The following CABP2 variants were observed in gnomAD, a reference collection of about 807,000 sequenced individuals.
The protein encoded by CABP2 is calcium-binding protein 2.
A neutral mutation model predicts 28.6 loss-of-function variants in CABP2; 25 were observed. That is an observed-to-expected ratio of 0.87 (90% confidence interval 0.64 to 1.22). The LOEUF is 1.22. Ranked by LOEUF, CABP2 falls within the 50% of genes most tolerant of loss-of-function variation. CABP2 has a pLI of 0.00. For missense variants in CABP2, 310 were observed against 312.2 expected, an observed-to-expected ratio of 0.99 and a Z score of 0.05; for synonymous variants, 138 against 126.0, an observed-to-expected ratio of 1.09 and a Z score of -0.64.
At chr11:67,523,190 C>A in intron 1 of CABP2, 95 bp downstream of exon 1, 15 of 988,210 alleles carry the variant, frequency 1.5e-5, no homozygotes, top group Non-Finnish European at 2.3e-5. Flanking sequence ...CAGCCCCCAA[C>A]CCCGCCCGGC....
At chr11:67,519,728 C>A in intron 6 of CABP2, 65 bp downstream of exon 6, 1 of 1,538,078 alleles carries the variant, frequency 6.5e-7, no homozygotes, top group Non-Finnish European at 8.9e-7. Context: ...GTGACTCTTG[C>A]TGTGCGGTTT....
chr11:67,519,059 G>T lies in CABP2; in HGVS notation c.*80C>A. ...GGAAAGGAGGGTCCCCGCTAGAGGC[G>T]ATGGGCTTCAAGGAACATGCTGGTG... On this transcript the variant is annotated 3_prime_UTR_variant, in exon 7 of 7. Coordinates refer to ENST00000294288, the MANE Select transcript of CABP2 (RefSeq NM_016366.3). 2.0e-6 allele frequency: 3 copies of T among 1,510,366 alleles called. No individual in the cohort carries two copies. The Admixed American group carries it at 5.0e-5, about 25-fold the overall frequency. The allele number at this position is 1,510,366 out of a possible 1,614,324, so 93.6% of individuals were successfully genotyped here. A position where few individuals can be genotyped will look rare whatever the true frequency, so the allele number is the denominator to read the frequency against.
intron 4 of CABP2, 30 bp from the exon 5 acceptor site, chr11:67,520,190 G>C (rs1188274523): frequency 6.8e-7 from 1 of 1,470,932 alleles, no homozygotes; most frequent in East Asian, 2.3e-5. Flanking sequence ...CAGACCCAGG[G>C]CATCAGAGAC....
chr11:67,522,178 T>C (rs995580265), intron 2 of CABP2, among the ~76,000 whole-genome samples, 196 bp from the exon 3 acceptor site: 2 of 152,144 alleles, frequency 1.3e-5, no homozygotes, highest in Admixed American at 6.5e-5. Context: ...CCTTCCCTGC[T>C]TCTGGCCTAG....
At position 67,520,031 on chromosome 11, in the gene CABP2, C is replaced by T; in HGVS notation, c.489+20G>A. 1 of 1,608,662 alleles carries T rather than the reference C, an allele frequency of 6.2e-7. No individual in the cohort carries two copies. Among genetic ancestry groups the T allele is most frequent in the Non-Finnish European group, 8.5e-7 (1 of 1,178,406 alleles). ...CGGCAGACACGCAGCCCTGCCCGCC[C>T]TCAGCCCCAGTGGCCGCACCTCCCG... On this transcript the variant is annotated intron_variant, in intron 5 of 6. Transcript: ENST00000294288.
intron 1 of CABP2, 43 bp from the exon 2 acceptor site, chr11:67,522,759 C>G: frequency 1.4e-6 from 2 of 1,439,870 alleles, no homozygotes; most frequent in Non-Finnish European, 1.8e-6. Flanking sequence ...GGCCGCTGAG[C>G]TCTGGGCCTG....
chr11:67,523,192 C>A (rs1866776512), intron 1 of CABP2, 93 bp downstream of exon 1: 26 of 1,054,102 alleles, frequency 2.5e-5, no homozygotes, highest in Non-Finnish European at 3.5e-5. Flanking sequence ...GCCCCCAACC[C>A]CGCCCGGCCC....
Position 67,519,873 on chromosome 11 carries a change from C to T in CABP2, c.557G>A (p.Gly186Glu). Residue 186 changes from glycine (G) to glutamate (E), a missense_variant, in exon 6 of 7, where the codon GGG becomes GAG. Gly to Glu is a moderately conservative substitution (Grantham distance 98, BLOSUM62 -2). Transcript: ENST00000294288. Reference protein sequence around the residue: ...ELRAALKALLGERLSQREVDE... With the variant: ...ELRAALKALLEERLSQREVDE... Reference sequence around the variant, plus strand: ...CACCTCCCGCTGGCTGAGGCGCTCCCCCAGCAGGGCCTTGAGGGCCGCCCG... The same window carrying T: ...CACCTCCCGCTGGCTGAGGCGCTCCTCCAGCAGGGCCTTGAGGGCCGCCCG... 6.2e-7 allele frequency: 1 copy of T among 1,613,664 alleles called. No individual in the cohort carries two copies. Among genetic ancestry groups the T allele is most frequent in the Non-Finnish European group, 8.5e-7 (1 of 1,179,984 alleles).
chr11:67,521,868 A>T, intron 3 of CABP2, 84 bp downstream of exon 3: 2 of 374,290 alleles, frequency 5.3e-6, no homozygotes. Context: ...CCCCCACCCG[A>T]TGCCCCCCCA....
chr11:67,520,824 G>A (rs958653234), intron 4 of CABP2, among the ~76,000 whole-genome samples: 7 of 152,250 alleles, frequency 4.6e-5, no homozygotes, highest in African/African-American at 1.7e-4. Flanking sequence ...TCTGCAGAAT[G>A]AGGATCACAG....
At chr11:67,522,029 T>G in intron 2 of CABP2, 47 bp from the exon 3 acceptor site, 1 of 1,579,990 alleles carries the variant, frequency 6.3e-7, no homozygotes, top group South Asian at 1.1e-5. Flanking sequence ...TACTGATGAC[T>G]GTGCCCTTCC....
In CABP2 at chr11:67,519,913, T is replaced by G. The variant is rs1467226842; in HGVS notation, c.517A>C (p.Ser173Arg). ...EFDTNGDGRI[S>R]VGELRAALKA... Reference sequence around the variant, plus strand: ...AGGGCCGCCCGGAGCTCGCCCACGCTGATGCGGCCGTCCCCATTGGTGTCG... The same window carrying G: ...AGGGCCGCCCGGAGCTCGCCCACGCGGATGCGGCCGTCCCCATTGGTGTCG... Residue 173 changes from serine (S) to arginine (R), a missense_variant, in exon 6 of 7, where the codon AGC (serine) becomes CGC (arginine). Physicochemically the swap from Ser to Arg is moderately radical, Grantham distance 110. Transcript: ENST00000294288. 6.2e-7 allele frequency: 1 copy of G among 1,610,712 alleles called. No individual in the cohort carries two copies. The highest frequency in any genetic ancestry group is 8.5e-7 in the Non-Finnish European group (1 of 1,179,644).
rs567869092 is a variant in CABP2 at position 67,521,129 on chromosome 11, C to T, written c.275G>A (p.Arg92Gln). 2.9e-5 allele frequency: 47 copies of T among 1,613,280 alleles called. No homozygotes were observed. Among genetic ancestry groups the T allele is most frequent in the Middle Eastern group, 1.6e-4 (1 of 6,062 alleles). ...ELQVAFQEFD[R>Q]DRDGYIGCRE... ...GCAGCCAATGTAGCCGTCCCGGTCT[C>T]GGTCAAACTCCTGGAAGGCGACCTG... Residue 92 changes from arginine (R) to glutamine (Q), a missense_variant, in exon 4 of 7, where the codon CGA (arginine) becomes CAA (glutamine). By Grantham distance (43) the Arg-to-Gln change is conservative (BLOSUM62 1). Transcript: ENST00000294288.
In CABP2 at chr11:67,520,057, GA is replaced by G. The variant is rs368437370; in HGVS notation, c.482del (p.Phe161SerfsTer57). On this transcript the variant is annotated frameshift_variant, in exon 5 of 7. Transcript: ENST00000294288. LOFTEE classifies it high-confidence loss of function. ...TCAGCCCCAGTGGCCGCACCTCCCG[GA>G]AGGCGTCCCGTAGCTCCCGGACACC... Reference protein sequence around the residue: ...MIGVRELRDAFREFDTNGDGR... With the variant: ...MIGVRELRDAXREFDTNGDGR... The G allele has an allele frequency of 8.1e-6, 13 of 1,612,188 alleles. No individual in the cohort carries two copies. The African/African-American group carries it at 1.6e-4, about 20-fold the overall frequency.
rs1485863280 is a variant in CABP2, at chr11:67,519,922, C to G, written c.508G>C (p.Gly170Arg). The change falls in exon 6 of 7, where the codon GGC (glycine) becomes CGC (arginine). Residue 170 changes from glycine to arginine, a missense_variant. Gly to Arg is a moderately radical substitution (Grantham distance 125). Transcript: ENST00000294288. Reference protein sequence around the residue: ...AFREFDTNGDGRISVGELRAA... With the variant: ...AFREFDTNGDRRISVGELRAA... The stretch of plus-strand genomic sequence containing the variant: ...CGGAGCTCGCCCACGCTGATGCGGC[C>G]GTCCCCATTGGTGTCGAACTGTGGC... 1.2e-6 allele frequency: 2 copies of G among 1,609,564 alleles called. No individual in the cohort carries two copies. Among genetic ancestry groups the G allele is most frequent in the African/African-American group, 2.7e-5 (2 of 74,914 alleles).
At position 67,518,989 on chromosome 11, in the gene CABP2, G is replaced by T; in HGVS notation, c.*150C>A. On this transcript the variant is annotated 3_prime_UTR_variant, in exon 7 of 7. Transcript: ENST00000294288. ...GCGGCTTTATTGGAGAAGTGGTGGTGGGGGTGAAGGCAGGCAAGGGCACTG... is the reference window on the plus strand; with the variant it reads ...GCGGCTTTATTGGAGAAGTGGTGGTTGGGGTGAAGGCAGGCAAGGGCACTG... The T allele has an allele frequency of 1.4e-6, 1 of 717,690 alleles. No homozygotes were observed. The highest frequency in any genetic ancestry group is 2.4e-6 in the Non-Finnish European group (1 of 409,712). 44.5% of individuals were successfully genotyped at this position (717,690 alleles called of 1,614,324 possible).
intron 1 of CABP2, among the ~76,000 whole-genome samples, 189 bp downstream of exon 1, chr11:67,523,096 A>G (rs1161093690): frequency 6.6e-6 from 1 of 152,068 alleles, no homozygotes; most frequent in Non-Finnish European, 1.5e-5. Flanking sequence ...CTGGCAGGGG[A>G]GACCCAGAGG....
At chr11:67,522,971 C>A (rs146746532) in intron 1 of CABP2, among the ~76,000 whole-genome samples, 6 of 152,360 alleles carry the variant, frequency 3.9e-5, no homozygotes, top group Non-Finnish European at 5.9e-5. Context: ...AGAAAGCCAG[C>A]GGCAGAGAGG....
Position 67,522,622 on chromosome 11 carries a change from T to C in CABP2, c.137A>G (p.Gln46Arg). ...CAGGCTGTTGAGCACCGAGTAGCCC[T>C]GGACGCCTGGCGCGGGGTCCCCCTG... ...KEQGDPAPGVQGYSVLNSLVG... is the reference protein window; with the variant it reads ...KEQGDPAPGVRGYSVLNSLVG... Residue 46 changes from glutamine to arginine, a missense_variant, in exon 2 of 7, where the codon CAG (glutamine) becomes CGG (arginine). By Grantham distance (43) the Gln-to-Arg change is conservative. Coordinates refer to ENST00000294288, the MANE Select transcript of CABP2 (RefSeq NM_016366.3). The C allele has an allele frequency of 6.5e-7, 1 of 1,548,576 alleles. No homozygotes were observed.
Sources: gnomAD v4.1 joint callset for allele counts (sites outside exome capture counted in the v4.1 genomes callset) on GRCh38, gnomAD v4.1.1 for gene constraint, MANE v1.5 for transcripts, NCBI Gene and HGNC (gene_info 2026-07-23, HGNC 2026-07-21) for gene names.